Variants in ZSWIM6 observed in about 807,000 individuals in gnomAD.
The protein encoded by ZSWIM6 is zinc finger SWIM-type containing 6.
ZSWIM6 carries 9 observed loss-of-function variants against 113.2 expected under a neutral mutation model. The observed-to-expected ratio is 0.08, with a 90% CI of 0.05 to 0.14. The LOEUF is 0.14. Among genes scored for constraint, ZSWIM6 ranks in the 10% least tolerant of loss-of-function variants. ZSWIM6 has a pLI of 1.00. For synonymous variants in ZSWIM6, 611 were observed against 606.5 expected (o/e 1.01, Z -0.11); for missense variants, 1,162 against 1,552.2 (o/e 0.75, Z 4.22).
At chr5:61,538,784 G>A in intron 10 of ZSWIM6, 30 bp from the exon 11 acceptor site, 1 of 1,532,836 alleles carries the variant, frequency 6.5e-7, no homozygotes, top group Non-Finnish European at 8.8e-7. Flanking sequence ...GAAATAACTA[G>A]GGGCCACCTT....
intron 4 of ZSWIM6, among the ~76,000 whole-genome samples, chr5:61,518,494 A>G (rs1219803330): frequency 6.7e-5 from 10 of 149,906 alleles, no homozygotes; most frequent in South Asian, 4.3e-4. Flanking sequence ...ACTGGTGTGA[A>G]ATGGTATCTC....
At chr5:61,367,528 A>G (rs1241403949) in intron 1 of ZSWIM6, among the ~76,000 whole-genome samples, 3 of 152,190 alleles carry the variant, frequency 2.0e-5, no homozygotes, top group Non-Finnish European at 4.4e-5. Context: ...ATTTACAGGC[A>G]TGAGCCACTT....
At chr5:61,518,186 G>C (rs13159446) in intron 4 of ZSWIM6, among the ~76,000 whole-genome samples, 80 of 149,410 alleles carry the variant, frequency 5.4e-4, no homozygotes, top group African/African-American at 1.5e-3. Context: ...TCCAGTGTAT[G>C]ATTGTTGGAC....
At chr5:61,448,429 A>AT (rs1221840850) in intron 1 of ZSWIM6, among the ~76,000 whole-genome samples, 4 of 152,232 alleles carry the variant, frequency 2.6e-5, no homozygotes, top group African/African-American at 9.6e-5. Flanking sequence ...CCTATATTAA[A>AT]TTAGTTTCCT....
intron 1 of ZSWIM6, chr5:61,375,044 G>C: frequency 7.1e-7 from 1 of 1,403,072 alleles, no homozygotes; most frequent in Non-Finnish European, 1.0e-6. Context: ...AAGTCTATAA[G>C]ATATTAAAGG....
chr5:61,538,283 T>G (rs1749635144), intron 10 of ZSWIM6, among the ~76,000 whole-genome samples: 1 of 152,228 alleles, frequency 6.6e-6, no homozygotes, highest in Non-Finnish European at 1.5e-5. Flanking sequence ...TCAGAAAGTA[T>G]GAATGGATGG....
intron 3 of ZSWIM6, among the ~76,000 whole-genome samples, chr5:61,491,813 G>GA (rs34878285): frequency 0.37 from 55,307 of 150,108 alleles, 10,170 homozygotes; most frequent in South Asian, 0.43. Flanking sequence ...ATAATTAAAA[G>GA]TTTTTTTTTT....
chr5:61,349,866 G>C (rs929012631), intron 1 of ZSWIM6, among the ~76,000 whole-genome samples: 4 of 152,032 alleles, frequency 2.6e-5, no homozygotes, highest in Non-Finnish European at 5.9e-5. Flanking sequence ...GTATAACTAA[G>C]TTTAGTTTTT....
rs965083748 is a variant in ZSWIM6, at chr5:61,472,299, A to AAAAGAAG, written c.677-378_677-372dup. Among the ~76,000 whole-genome samples, 4 of 152,094 alleles carry AAAAGAAG rather than the reference A, an allele frequency of 2.6e-5. No homozygotes were observed. The highest frequency in any genetic ancestry group is 9.7e-5 in the African/African-American group (4 of 41,396). On this transcript the variant is annotated intron_variant, in intron 1 of 13. Coordinates refer to ENST00000252744, the MANE Select transcript of ZSWIM6 (RefSeq NM_020928.2). The surrounding 1 kb of genome is among the most constrained non-coding windows in gnomAD (Gnocchi z 4.1). ...GACTCTGCTTAAAAAAGGAGTAGAA[A>AAAAGAAG]AAAGAAGAAACCACTGATCCCACTG...
Position 61,472,661 on chromosome 5 carries a change from T to C in ZSWIM6, c.677-20T>C. ...TGAATGCAGAAGCTAAACCCTCCCT[T>C]TCTTTCTTTCACCCTCAAGGTTTCC... is the stretch of plus-strand genomic sequence containing the variant. On this transcript the variant is annotated intron_variant, in intron 1 of 13. Coordinates refer to ENST00000252744, the MANE Select transcript of ZSWIM6 (RefSeq NM_020928.2). The surrounding 1 kb of genome is among the most constrained non-coding windows in gnomAD (Gnocchi z 4.1). The C allele has an allele frequency of 6.8e-7, 1 of 1,461,454 alleles. No homozygotes were observed. Among genetic ancestry groups the C allele is most frequent in the Non-Finnish European group, 9.1e-7 (1 of 1,095,238 alleles). The allele number at this position is 1,461,454 out of a possible 1,614,324, so 90.5% of individuals were successfully genotyped here.
intron 9 of ZSWIM6, among the ~76,000 whole-genome samples, chr5:61,534,574 G>A (rs1208319404): frequency 6.6e-6 from 1 of 152,086 alleles, no homozygotes; most frequent in Non-Finnish European, 1.5e-5. Context: ...GTTACCCGAA[G>A]GTAACATGGA....
At chr5:61,367,446 G>T (rs1338605536) in intron 1 of ZSWIM6, among the ~76,000 whole-genome samples, 6 of 152,024 alleles carry the variant, frequency 3.9e-5, no homozygotes, top group East Asian at 1.9e-4. Flanking sequence ...TAGAGATGGG[G>T]TATCACTCTA....
chr5:61,399,231 G>GTTT (rs35540556), intron 1 of ZSWIM6, among the ~76,000 whole-genome samples: 3,385 of 117,878 alleles, frequency 0.029, 166 homozygotes, highest in African/African-American at 0.099. Context: ...GGCTGTGTAT[G>GTTT]TTTTTTTTTT....
rs201456886 is a variant in ZSWIM6 at position 61,539,691 on chromosome 5, A to G, written c.2635A>G (p.Ile879Val). 155 of 1,551,790 alleles carry G rather than the reference A, an allele frequency of 1.0e-4. No individual in the cohort carries two copies. Among genetic ancestry groups the G allele is most frequent in the Non-Finnish European group, 1.3e-4 (152 of 1,147,022 alleles). Residue 879 changes from isoleucine to valine, a missense_variant, in exon 12 of 14, where the codon ATA (isoleucine) becomes GTA (valine). This residue lies in a region of ZSWIM6 where 620 missense variants were observed against 804.6 expected (regional missense o/e 0.77). Transcript: ENST00000252744. ...IFKLAQDAFK[I>V]ATLMDSLPDI... ...CAAGCTTGCCCAAGATGCATTTAAAATAGCAACTCTCATGGACAGTTTGCC... is the reference window on the plus strand; with the variant it reads ...CAAGCTTGCCCAAGATGCATTTAAAGTAGCAACTCTCATGGACAGTTTGCC...
At chr5:61,374,290 C>T (rs1247439917) in intron 1 of ZSWIM6, among the ~76,000 whole-genome samples, 1 of 152,188 alleles carries the variant, frequency 6.6e-6, no homozygotes, top group African/African-American at 2.4e-5. Flanking sequence ...ATATGGCCGC[C>T]ATAGAATTGT....
chr5:61,373,724 T>C (rs1579960020), intron 1 of ZSWIM6, among the ~76,000 whole-genome samples: 1 of 152,188 alleles, frequency 6.6e-6, no homozygotes, highest in East Asian at 1.9e-4. Flanking sequence ...CTAAAATTCT[T>C]ACTGTTGTCT....
chr5:61,521,389 G>C lies in ZSWIM6; in HGVS notation c.1460G>C (p.Ser487Thr). Reference sequence around the variant, plus strand: ...CCATGGGAAGATGGAAATCATGGCAGTGAATTACCCAACTTAACCAATGCT... The same window carrying C: ...CCATGGGAAGATGGAAATCATGGCACTGAATTACCCAACTTAACCAATGCT... The part of the protein sequence containing the change: ...VCPWEDGNHG[S>T]ELPNLTNALP... The change falls in exon 5 of 14, where the codon AGT (serine) becomes ACT (threonine). Residue 487 changes from serine (S) to threonine (T), a missense_variant. Transcript: ENST00000252744. 1 of 1,530,164 alleles carries C rather than the reference G, an allele frequency of 6.5e-7. No homozygotes were observed. The highest frequency in any genetic ancestry group is 8.8e-7 in the Non-Finnish European group (1 of 1,136,998). 94.8% of individuals were successfully genotyped at this position (1,530,164 alleles called of 1,614,324 possible).
At chr5:61,351,717 AAT>A (rs1229943754) in intron 1 of ZSWIM6, among the ~76,000 whole-genome samples, 4 of 152,150 alleles carry the variant, frequency 2.6e-5, no homozygotes. Context: ...ATCACAGTTT[AAT>A]ATTTTCAGTG....
At chr5:61,538,506 G>GT (rs1169501771) in intron 10 of ZSWIM6, among the ~76,000 whole-genome samples, 1 of 152,056 alleles carries the variant, frequency 6.6e-6, no homozygotes, top group African/African-American at 2.4e-5. Context: ...CGGTGTTTGC[G>GT]TATCTTAATT....
Sources: gnomAD v4.1 joint callset for allele counts (sites outside exome capture counted in the v4.1 genomes callset) on GRCh38, gnomAD v4.1.1 for gene constraint, gnomAD v4.1.1 regional missense constraint, Gnocchi (gnomAD v3.1) non-coding constraint, MANE v1.5 for transcripts, NCBI Gene and HGNC (gene_info 2026-07-23, HGNC 2026-07-21) for gene names.